The following RBPMS variants were observed in gnomAD, a reference collection of about 807,000 sequenced individuals.
RBPMS encodes the protein RNA binding protein, mRNA processing factor.
A neutral mutation model predicts 26.8 loss-of-function variants in RBPMS; 7 were observed. The observed-to-expected ratio is 0.26, with a 90% confidence interval of 0.15 to 0.49. The LOEUF (loss-of-function observed/expected upper bound fraction) is 0.49. Ranked by LOEUF, RBPMS falls within the 20% of genes least tolerant of loss-of-function variation. RBPMS has a pLI of 0.98. For missense variants in RBPMS, 186 were observed against 250.0 expected, an observed-to-expected ratio of 0.74 and a Z score of 1.73; for synonymous variants, 96 against 93.3, an observed-to-expected ratio of 1.03 and a Z score of -0.17.
At position 30,498,145 on chromosome 8, in the gene RBPMS, A is replaced by G. The variant is rs7005332; in HGVS notation, c.247-6141A>G. Among the ~76,000 whole-genome samples, 359 of 151,922 alleles carry G rather than the reference A, an allele frequency of 2.4e-3. 2 individuals carry two copies. Among genetic ancestry groups the G allele is most frequent in the African/African-American group, 8.5e-3 (351 of 41,412 alleles). Reference sequence around the variant, plus strand: ...AGTTCAGTACATATGCCTCAGATCTACTGGATCAACAGATCAGAATGGAAG... The same window carrying G: ...AGTTCAGTACATATGCCTCAGATCTGCTGGATCAACAGATCAGAATGGAAG... On this transcript the variant is annotated intron_variant, in intron 4 of 8. Transcript: ENST00000397323.
chr8:30,526,817 A>G (rs2150999731), intron 5 of RBPMS, among the ~76,000 whole-genome samples: 1 of 152,346 alleles, frequency 6.6e-6, no homozygotes, highest in Non-Finnish European at 1.5e-5. Flanking sequence ...CTTTAATTCA[A>G]AAGGTATTGG....
At chr8:30,569,866 C>T (rs1828149172) in intron 8 of RBPMS, among the ~76,000 whole-genome samples, 1 of 152,148 alleles carries the variant, frequency 6.6e-6, no homozygotes, top group Non-Finnish European at 1.5e-5. Flanking sequence ...GAACTAATGT[C>T]ATTATTTATT....
chr8:30,393,431 T>C lies in RBPMS; in HGVS notation c.66+8273T>C, dbSNP rs950088917. Among the ~76,000 whole-genome samples the C allele has an allele frequency of 2.0e-5, 3 of 152,112 alleles. No homozygotes were observed. The East Asian group carries it at 5.8e-4, about 29-fold the overall frequency. On this transcript the variant is annotated intron_variant, in intron 1 of 8. Transcript: ENST00000397323. Reference sequence around the variant, plus strand: ...GGAAAAAATTTCTAAGTTGCTTTTATCTTTTTTGACTTTTTTGGGGAAAAG... The same window carrying C: ...GGAAAAAATTTCTAAGTTGCTTTTACCTTTTTTGACTTTTTTGGGGAAAAG...
intron 6 of RBPMS, chr8:30,558,642 C>G (rs576566596): frequency 8.5e-6 from 5 of 586,510 alleles, no homozygotes; most frequent in African/African-American, 3.7e-5. Context: ...GGTGGAACCT[C>G]GGGCACTTCT....
At chr8:30,558,808 G>A in intron 6 of RBPMS, 79 bp from the exon 7 acceptor site, 1 of 1,213,584 alleles carries the variant, frequency 8.2e-7, no homozygotes, top group East Asian at 2.3e-5. Context: ...TAGGGAAGTG[G>A]TAGCCAAGCA....
At chr8:30,547,355 T>C (rs771448796) in intron 6 of RBPMS, 2 of 1,613,874 alleles carry the variant, frequency 1.2e-6, no homozygotes, top group Non-Finnish European at 1.7e-6. Context: ...GCAAATTAGA[T>C]TTGTCTCTGG....
chr8:30,412,526 C>A (rs1037797320), intron 1 of RBPMS, among the ~76,000 whole-genome samples: 4 of 151,958 alleles, frequency 2.6e-5, no homozygotes, highest in Non-Finnish European at 5.9e-5. Context: ...TTTTTAGCAC[C>A]TCATCTCCAT....
intron 4 of RBPMS, among the ~76,000 whole-genome samples, chr8:30,502,625 CA>C (rs1820679610): frequency 6.6e-6 from 1 of 152,208 alleles, no homozygotes; most frequent in Admixed American, 6.5e-5. Flanking sequence ...CCTTTTACAG[CA>C]TACCTGTACG....
At chr8:30,417,604 A>G (rs1476285897) in intron 1 of RBPMS, among the ~76,000 whole-genome samples, 1 of 152,184 alleles carries the variant, frequency 6.6e-6, no homozygotes, top group Non-Finnish European at 1.5e-5. Flanking sequence ...TCCCAACCCC[A>G]TCCCCATTTG....
At chr8:30,441,884 G>T (rs1813114982) in intron 1 of RBPMS, among the ~76,000 whole-genome samples, 1 of 152,182 alleles carries the variant, frequency 6.6e-6, no homozygotes, top group African/African-American at 2.4e-5. Context: ...CCGCCTCCTG[G>T]ATTCAAGCGA....
chr8:30,545,143 G>A (rs1200732815), intron 6 of RBPMS: 9 of 1,312,494 alleles, frequency 6.9e-6, no homozygotes, highest in Non-Finnish European at 8.0e-6. Context: ...AAGATTAAGG[G>A]TTCCTTCTCT....
rs888030891 is a variant in RBPMS, at chr8:30,434,228, C to T, written c.67-40551C>T. 2.0e-5 allele frequency among the ~76,000 whole-genome samples: 3 copies of T among 152,020 alleles called. 1 individual carries two copies. Among genetic ancestry groups the T allele is most frequent in the Non-Finnish European group, 4.4e-5 (3 of 68,032 alleles). On this transcript the variant is annotated intron_variant, in intron 1 of 8. Transcript: ENST00000397323. Reference sequence around the variant, plus strand: ...GCTACACTAGATAGTCTCTAAGCAACCTTCAAACTCTGAAATTCTGTGGTT... The same window carrying T: ...GCTACACTAGATAGTCTCTAAGCAATCTTCAAACTCTGAAATTCTGTGGTT...
chr8:30,436,991 C>T (rs1361616863), intron 1 of RBPMS, among the ~76,000 whole-genome samples: 2 of 149,992 alleles, frequency 1.3e-5, no homozygotes, highest in South Asian at 2.1e-4. Flanking sequence ...GGCGCAATCT[C>T]GGCTCACTGC....
chr8:30,487,629 T>G (rs888767944), intron 4 of RBPMS, among the ~76,000 whole-genome samples: 1 of 152,114 alleles, frequency 6.6e-6, no homozygotes, highest in African/African-American at 2.4e-5. Context: ...ATTTTTTATA[T>G]GTAAAATAAG....
At chr8:30,514,400 T>A (rs13251659) in intron 5 of RBPMS, among the ~76,000 whole-genome samples, 1 of 151,980 alleles carries the variant, frequency 6.6e-6, no homozygotes, top group African/African-American at 2.4e-5. Context: ...TCTTGAAAAA[T>A]TGTGAGATGT....
Position 30,570,791 on chromosome 8 carries a change from G to A in RBPMS, c.*266G>A, listed in dbSNP as rs1056611680. On this transcript the variant is annotated 3_prime_UTR_variant, in exon 9 of 9. Transcript: ENST00000397323. ...AAGAAATAGCGTATTATTTGTGAAT[G>A]CATGGTCTGAAATTTCTGTACAGTT... 1 of 152,596 alleles carries A rather than the reference G, an allele frequency of 6.6e-6. No homozygotes were observed. Among genetic ancestry groups the A allele is most frequent in the Non-Finnish European group, 1.5e-5 (1 of 68,040 alleles). The allele number at this position is 152,596 out of a possible 1,614,324, so 9.5% of individuals were successfully genotyped here.
intron 8 of RBPMS, among the ~76,000 whole-genome samples, chr8:30,568,248 G>A (rs1472003263): frequency 1.3e-5 from 2 of 152,184 alleles, no homozygotes; most frequent in African/African-American, 4.8e-5. Context: ...TTCCTTATCT[G>A]ACTTGGTAAC....
intron 5 of RBPMS, among the ~76,000 whole-genome samples, chr8:30,531,713 T>C (rs927044094): frequency 6.6e-6 from 1 of 152,244 alleles, no homozygotes; most frequent in Non-Finnish European, 1.5e-5. Context: ...ACAGTGTGAC[T>C]ATTAACCTCC....
chr8:30,387,925 T>C (rs571115965), intron 1 of RBPMS, among the ~76,000 whole-genome samples: 1 of 152,188 alleles, frequency 6.6e-6, no homozygotes, highest in Non-Finnish European at 1.5e-5. Context: ...TTTTTGCAGC[T>C]TTTTAGGGTT....
Sources: allele counts gnomAD v4.1 joint callset (sites outside exome capture counted in the v4.1 genomes callset), GRCh38; gene constraint gnomAD v4.1.1; transcripts MANE v1.5; gene names NCBI Gene and HGNC (gene_info 2026-07-23, HGNC 2026-07-21).